The following LRP2 variants were observed in gnomAD, a reference collection of about 807,000 sequenced individuals.
LRP2 encodes low-density lipoprotein receptor-related protein 2.
A neutral mutation model predicts 531.0 loss-of-function variants in LRP2; 172 were observed. The ratio of observed to expected loss-of-function variants is 0.32; its 90% CI spans 0.29 to 0.37. The LOEUF (loss-of-function observed/expected upper bound fraction) is 0.37. Among genes scored for constraint, LRP2 ranks in the 10% least tolerant of loss-of-function variants. The pLI is 1.00. For synonymous variants in LRP2, 1,992 were observed against 2,027.6 expected, an observed-to-expected ratio of 0.98 and a Z score of 0.47; for missense variants, 5,167 against 5,868.3, an observed-to-expected ratio of 0.88 and a Z score of 3.90.
At chr2:169,345,001 T>G (rs992125928) in intron 1 of LRP2, among the ~76,000 whole-genome samples, 2 of 152,204 alleles carry the variant, frequency 1.3e-5, no homozygotes, top group Non-Finnish European at 2.9e-5. Context: ...CCTTTAATCT[T>G]AAGAGTACAA....
At chr2:169,237,332 T>C (rs1689643474) in intron 27 of LRP2, 45 bp from the exon 28 acceptor site, 1 of 1,348,250 alleles carries the variant, frequency 7.4e-7, no homozygotes, top group African/African-American at 1.4e-5. Flanking sequence ...AGCAAATAAA[T>C]GAATGCAAAC....
At chr2:169,174,299 A>AGTGCTCCAT in intron 55 of LRP2, 135 bp from the exon 56 acceptor site, 1 of 1,037,178 alleles carries the variant, frequency 9.6e-7, no homozygotes, top group Non-Finnish European at 1.4e-6. Context: ...CTTATCAGTC[A>AGTGCTCCAT]GTACTACTAC....
rs751428444 is a variant in LRP2, at chr2:169,244,990, T to C, written c.3191-58A>G. The C allele has an allele frequency of 2.5e-4, 404 of 1,603,926 alleles. 1 individual carries two copies. Among genetic ancestry groups the C allele is most frequent in the Middle Eastern group, 5.0e-4 (3 of 6,004 alleles). On this transcript the variant is annotated intron_variant, in intron 21 of 78. Coordinates refer to ENST00000649046, the MANE Select transcript of LRP2 (RefSeq NM_004525.3). Reference sequence around the variant, plus strand: ...TTGTTTTTACAGCCTTTTAAATGAGTTCTTGCCTTATAAAGGCTCAGTTCA... The same window carrying C: ...TTGTTTTTACAGCCTTTTAAATGAGCTCTTGCCTTATAAAGGCTCAGTTCA...
chr2:169,129,394 CAT>C (rs1186153260), intron 77 of LRP2, among the ~76,000 whole-genome samples: 1 of 152,204 alleles, frequency 6.6e-6, no homozygotes, highest in Non-Finnish European at 1.5e-5. Flanking sequence ...AGAGAGAACA[CAT>C]AAAACAGACA....
rs199813044 is a variant in LRP2 at position 169,207,175 on chromosome 2, C to T, written c.6545G>A (p.Arg2182His). The change falls in exon 39 of 79, where the codon CGT becomes CAT. Residue 2182 changes from arginine (R) to histidine (H), a missense_variant. This residue lies in a region of LRP2 where 2,811 missense variants were observed against 3,058.0 expected (regional missense o/e 0.92). Transcript: ENST00000649046. ...GTCCACTGTGACTTTAAGAAGAACACGGCGGTAAGTAGTATTGATCCGCAG... is the reference window on the plus strand; with the variant it reads ...GTCCACTGTGACTTTAAGAAGAACATGGCGGTAAGTAGTATTGATCCGCAG... ...EVLRINTTYRRVLLKVTVDMP... is the reference protein window; with the variant it reads ...EVLRINTTYRHVLLKVTVDMP... 1.0e-4 allele frequency: 169 copies of T among 1,613,552 alleles called. 1 individual carries two copies. Among genetic ancestry groups the T allele is most frequent in the South Asian group, 5.5e-4 (50 of 90,914 alleles).
rs77022039 is a variant in LRP2 at position 169,163,235 on chromosome 2, G to A, written c.11759-635C>T. ...TTACTGAACCTGTCAATCATGGAGC[G>A]AGGTTAGAAGATAGAATGTTAGTAA... On this transcript the variant is annotated intron_variant, in intron 62 of 78. Transcript: ENST00000649046. 9.0e-3 allele frequency among the ~76,000 whole-genome samples: 1,364 copies of A among 152,230 alleles called. 18 individuals are homozygous for A. The highest frequency in any genetic ancestry group is 0.03 in the African/African-American group (1,264 of 41,548).
At position 169,188,028 on chromosome 2, in the gene LRP2, C is replaced by A. The variant is rs778681401; in HGVS notation, c.9270G>T (p.Met3090Ile). 5.0e-6 allele frequency: 8 copies of A among 1,614,148 alleles called. No homozygotes were observed. The highest frequency in any genetic ancestry group is 5.9e-6 in the Non-Finnish European group (7 of 1,180,018). Residue 3090 changes from methionine (M) to isoleucine (I), a missense_variant, in exon 49 of 79, where the codon ATG becomes ATT. By Grantham distance (10) the Met-to-Ile change is conservative. Around this residue, in one of 6 missense-constraint regions of LRP2, gnomAD observed 1,129 missense variants for 1,362.7 expected, o/e 0.83. Coordinates refer to ENST00000649046, the MANE Select transcript of LRP2 (RefSeq NM_004525.3). The stretch of plus-strand genomic sequence containing the variant: ...CATCTAGGTGGTTGCAGAGTTTCAT[C>A]ATCTCGATGCAGCGCCCATTGTCAC... ...FKCDNGRCIE[M>I]MKLCNHLDDC...
chr2:169,294,084 A>G, intron 6 of LRP2, 64 bp downstream of exon 6: 8 of 1,217,396 alleles, frequency 6.6e-6, no homozygotes, highest in Non-Finnish European at 9.8e-6. Flanking sequence ...GATAAAACAA[A>G]ACAAAACCGA....
intron 27 of LRP2, 22 bp from the exon 28 acceptor site, chr2:169,237,309 G>T (rs1334845080): frequency 1.2e-5 from 18 of 1,559,184 alleles, no homozygotes; most frequent in Non-Finnish European, 1.6e-5. Flanking sequence ...AGTGAATAAA[G>T]AGTGAATTCT....
chr2:169,362,271 C>T (rs1686188447), intron 1 of LRP2, 50 bp downstream of exon 1: 2 of 1,489,728 alleles, frequency 1.3e-6, no homozygotes, highest in East Asian at 2.5e-5. Flanking sequence ...CCGACCCTGC[C>T]ACAGCCGGGG....
In LRP2 at chr2:169,284,202, A is replaced by G. The variant is rs930018538; in HGVS notation, c.1043-1201T>C. Among the ~76,000 whole-genome samples the G allele has an allele frequency of 7.3e-5, 11 of 150,772 alleles. 2 individuals carry two copies. Among genetic ancestry groups the G allele is most frequent in the Admixed American group, 6.6e-4 (10 of 15,188 alleles). Reference sequence around the variant, plus strand: ...TTCCTGCTGGGTGGCCCACCATTCCATAACCCACCAAAAGGCCAAGTTTCT... The same window carrying G: ...TTCCTGCTGGGTGGCCCACCATTCCGTAACCCACCAAAAGGCCAAGTTTCT... On this transcript the variant is annotated intron_variant, in intron 9 of 78. Transcript: ENST00000649046.
intron 46 of LRP2, among the ~76,000 whole-genome samples, chr2:169,195,388 A>T (rs1371569749): frequency 6.6e-6 from 1 of 152,222 alleles, no homozygotes; most frequent in African/African-American, 2.4e-5. Context: ...AAGTAAGTCA[A>T]ATTCACACTC....
At chr2:169,171,376 C>T (rs1234133852) in intron 58 of LRP2, among the ~76,000 whole-genome samples, 1 of 152,160 alleles carries the variant, frequency 6.6e-6, no homozygotes, top group Non-Finnish European at 1.5e-5. Context: ...TCAGAACACA[C>T]ATTGAGTGTG....
chr2:169,295,826 C>T (rs1684122030), intron 4 of LRP2, among the ~76,000 whole-genome samples: 1 of 93,366 alleles, frequency 1.1e-5, no homozygotes, highest in Non-Finnish European at 2.6e-5. Context: ...TTTGAATACC[C>T]TCCTTTTCAC....
At chr2:169,213,346 T>C (rs1688663892) in intron 36 of LRP2, among the ~76,000 whole-genome samples, 1 of 152,138 alleles carries the variant, frequency 6.6e-6, no homozygotes, top group Non-Finnish European at 1.5e-5. Flanking sequence ...GGTTATATTC[T>C]AATAAGTAAC....
chr2:169,134,414 T>C (rs1029636305), intron 76 of LRP2, among the ~76,000 whole-genome samples: 7 of 152,176 alleles, frequency 4.6e-5, no homozygotes, highest in African/African-American at 1.7e-4. Flanking sequence ...CCCACATTAC[T>C]ACGGATACCA....
At chr2:169,343,817 C>A (rs1685626890) in intron 1 of LRP2, among the ~76,000 whole-genome samples, 1 of 152,126 alleles carries the variant, frequency 6.6e-6, no homozygotes, top group African/African-American at 2.4e-5. Flanking sequence ...TGCTTGGCAG[C>A]CAGTGATTTA....
chr2:169,217,023 C>A (rs6752222), intron 34 of LRP2, among the ~76,000 whole-genome samples: 1,673 of 152,202 alleles, frequency 0.011, 32 homozygotes, highest in African/African-American at 0.038. Flanking sequence ...AGGAAGACTT[C>A]TTTTTTCTTT....
chr2:169,284,620 A>C (rs79540860), intron 9 of LRP2, among the ~76,000 whole-genome samples: 346 of 151,932 alleles, frequency 2.3e-3, no homozygotes, highest in Middle Eastern at 6.8e-3. Context: ...ACATAACAAC[A>C]TGAGCCAGCA....
Sources: allele counts gnomAD v4.1 joint callset (sites outside exome capture counted in the v4.1 genomes callset), GRCh38; gene constraint gnomAD v4.1.1; regional missense constraint gnomAD v4.1.1; transcripts MANE v1.5; gene names NCBI Gene and HGNC (gene_info 2026-07-23, HGNC 2026-07-21).